The following RANBP2 variants were observed in gnomAD, a reference collection of about 807,000 sequenced individuals.
RANBP2 encodes E3 SUMO-protein ligase RanBP2.
In RANBP2, 57 loss-of-function variants were observed where a neutral mutation model predicts 303.6. The observed-to-expected ratio is 0.19, with a 90% confidence interval of 0.15 to 0.23. The LOEUF is 0.23. Among genes scored for constraint, RANBP2 ranks in the 10% least tolerant of loss-of-function variants. The pLI, the probability that RANBP2 is intolerant of heterozygous loss-of-function variation, is 1.00. For synonymous variants in RANBP2, 1,167 were observed against 1,301.5 expected, an observed-to-expected ratio of 0.90 and a Z score of 2.23; for missense variants, 3,138 against 3,780.8, an observed-to-expected ratio of 0.83 and a Z score of 4.46.
At chr2:109,455,417 A>G in the RANBP2 span, among the ~76,000 whole-genome samples, 2 of 152,234 alleles carry the variant, frequency 1.3e-5, no homozygotes, top group African/African-American at 4.8e-5. Flanking sequence ...AGAGGACCTG[A>G]CAGAATGACC....
the RANBP2 span, among the ~76,000 whole-genome samples, chr2:109,012,758 C>A: frequency 1.5e-4 from 23 of 152,182 alleles, no homozygotes; most frequent in Non-Finnish European, 4.4e-5. Context: ...ACTAAAGATA[C>A]AAAAAATTAG....
At chr2:109,256,807 C>T in the RANBP2 span, among the ~76,000 whole-genome samples, 47 of 152,188 alleles carry the variant, frequency 3.1e-4, no homozygotes, top group African/African-American at 1.1e-3. Context: ...TTCAGGGTCT[C>T]TTAGGTGGCA....
the RANBP2 span, among the ~76,000 whole-genome samples, chr2:109,605,888 G>A: frequency 6.6e-6 from 1 of 152,204 alleles, no homozygotes; most frequent in Non-Finnish European, 1.5e-5. Context: ...GAGTTAGCAT[G>A]ACATCAGTAT....
chr2:108,940,566 G>A, the RANBP2 span, among the ~76,000 whole-genome samples: 1 of 152,378 alleles, frequency 6.6e-6, no homozygotes, highest in South Asian at 2.1e-4. Flanking sequence ...GGAGGTGAGA[G>A]CAGCCAGGCT....
At chr2:108,738,945 T>A (rs907257843) in intron 6 of RANBP2, among the ~76,000 whole-genome samples, 52 of 152,136 alleles carry the variant, frequency 3.4e-4, no homozygotes, top group Non-Finnish European at 1.5e-5. Context: ...TAGCATTTTT[T>A]ATGAAAAATA....
the RANBP2 span, among the ~76,000 whole-genome samples, chr2:109,691,251 G>A: frequency 6.6e-6 from 1 of 152,172 alleles, no homozygotes; most frequent in Non-Finnish European, 1.5e-5. Flanking sequence ...TGGACTATTG[G>A]GAGAGAAATT....
chr2:109,150,790 C>T, the RANBP2 span, among the ~76,000 whole-genome samples: 1 of 152,104 alleles, frequency 6.6e-6, no homozygotes, highest in African/African-American at 2.4e-5. Context: ...ACACTGTTAC[C>T]TCCTTATCAG....
At chr2:109,128,499 G>A in the RANBP2 span, 1 of 152,158 alleles carries the variant, frequency 6.6e-6, no homozygotes, top group Non-Finnish European at 1.5e-5. Context: ...GGGAGGAGTC[G>A]GCGCGGGCCC....
chr2:109,371,719 T>C, the RANBP2 span: 2 of 1,581,750 alleles, frequency 1.3e-6, no homozygotes, highest in Non-Finnish European at 1.7e-6. Flanking sequence ...GGCTCCTTCT[T>C]GCCCACCCTT....
At chr2:109,020,808 G>C in the RANBP2 span, among the ~76,000 whole-genome samples, 4 of 152,234 alleles carry the variant, frequency 2.6e-5, no homozygotes, top group Non-Finnish European at 5.9e-5. Context: ...GTATAGCTTT[G>C]TGAAAAGCTA....
the RANBP2 span, chr2:109,490,577 T>C: frequency 1.4e-6 from 2 of 1,406,036 alleles, no homozygotes; most frequent in Non-Finnish European, 1.9e-6. Flanking sequence ...ATTCACCTGT[T>C]TGGTTTCCAT....
the RANBP2 span, among the ~76,000 whole-genome samples, chr2:108,941,272 G>C: frequency 6.6e-6 from 1 of 152,182 alleles, no homozygotes; most frequent in East Asian, 1.9e-4. Flanking sequence ...TTGCAAAATG[G>C]TTTTTGGTTG....
chr2:109,062,920 A>G, the RANBP2 span, among the ~76,000 whole-genome samples: 1 of 152,114 alleles, frequency 6.6e-6, no homozygotes, highest in Non-Finnish European at 1.5e-5. Context: ...CCACCTGTGC[A>G]GACAGAGCTG....
the RANBP2 span, among the ~76,000 whole-genome samples, chr2:109,372,216 A>G: frequency 6.6e-6 from 1 of 152,166 alleles, no homozygotes; most frequent in African/African-American, 2.4e-5. Flanking sequence ...AGACCTACTA[A>G]TTTCCTTTCC....
chr2:109,169,700 C>A, the RANBP2 span, among the ~76,000 whole-genome samples: 1 of 151,896 alleles, frequency 6.6e-6, no homozygotes, highest in Admixed American at 6.6e-5. Flanking sequence ...CTATATCTCT[C>A]TCTCTATATA....
At chr2:109,484,686 C>G in the RANBP2 span, among the ~76,000 whole-genome samples, 1 of 152,160 alleles carries the variant, frequency 6.6e-6, no homozygotes, top group African/African-American at 2.4e-5. Context: ...TAAAAAGAAA[C>G]TCACAAGTGA....
chr2:108,801,005 A>G, the RANBP2 span, among the ~76,000 whole-genome samples: 3 of 54,242 alleles, frequency 5.5e-5, no homozygotes, highest in Admixed American at 2.4e-4. Flanking sequence ...TATGTGCCAC[A>G]TTTTCTTAAT....
the RANBP2 span, among the ~76,000 whole-genome samples, chr2:109,702,741 C>T: frequency 6.6e-6 from 1 of 151,796 alleles, no homozygotes; most frequent in African/African-American, 2.4e-5. Flanking sequence ...CTGACGGTCA[C>T]AGCCAGTTTA....
chr2:109,442,468 T>A, the RANBP2 span, among the ~76,000 whole-genome samples: 10 of 152,202 alleles, frequency 6.6e-5, no homozygotes, highest in Admixed American at 1.3e-4. Flanking sequence ...TAAGATGTTT[T>A]CTTATTATTT....
Sources: gnomAD v4.1 joint callset for allele counts (sites outside exome capture counted in the v4.1 genomes callset) on GRCh38, gnomAD v4.1.1 for gene constraint, MANE v1.5 for transcripts, NCBI Gene and HGNC (gene_info 2026-07-23, HGNC 2026-07-21) for gene names.